Variants in CD1B observed in about 807,000 individuals in gnomAD.
The protein encoded by CD1B is T-cell surface glycoprotein CD1b.
In CD1B, 43 loss-of-function variants were observed where a neutral mutation model predicts 39.8. The observed-to-expected ratio is 1.08, with a 90% confidence interval of 0.85 to 1.39. CD1B has a LOEUF of 1.39. Ranked by LOEUF, CD1B falls within the 40% of genes most tolerant of loss-of-function variation. The pLI is 0.00. For synonymous variants in CD1B, 192 were observed against 152.5 expected (o/e 1.26, Z -1.91); for missense variants, 495 against 403.8 (o/e 1.23, Z -1.94).
chr1:158,328,057 A>C lies in CD1B; in HGVS notation c.*179T>G. Reference sequence around the variant, plus strand: ...CACTGTTAGTACAGTCTCATAATAAATTTACAGTTTTAAGTACTTTTTTGC... The same window carrying C: ...CACTGTTAGTACAGTCTCATAATAACTTTACAGTTTTAAGTACTTTTTTGC... On this transcript the variant is annotated 3_prime_UTR_variant, in exon 6 of 6. Transcript: ENST00000368168. 4 of 576,958 alleles carry C rather than the reference A, an allele frequency of 6.9e-6. No homozygotes were observed. Among genetic ancestry groups the C allele is most frequent in the Middle Eastern group, 3.9e-4 (1 of 2,540 alleles). The allele number at this position is 576,958 out of a possible 1,614,324, so 35.7% of individuals were successfully genotyped here. A position where few individuals can be genotyped will look rare whatever the true frequency, so the allele number is the denominator to read the frequency against.
chr1:158,286,642 A>T, the CD1B span, among the ~76,000 whole-genome samples: 1 of 152,198 alleles, frequency 6.6e-6, no homozygotes, highest in Non-Finnish European at 1.5e-5. Flanking sequence ...GCAGGACTAC[A>T]TATCAGTCAG....
the CD1B span, among the ~76,000 whole-genome samples, chr1:158,299,045 T>C: frequency 6.6e-6 from 1 of 152,162 alleles, no homozygotes; most frequent in Non-Finnish European, 1.5e-5. Context: ...AGACTTCCAA[T>C]ACTATGTTGA....
chr1:158,328,276 C>A lies in CD1B; in HGVS notation c.981-19G>T. On this transcript the variant is annotated intron_variant, in intron 5 of 5. Transcript: ENST00000368168. ...ATATGACCTGTTAAAAACAGAAGAA[C>A]AAAAGAGCTCCACATAAAAGATGTT... is the stretch of plus-strand genomic sequence containing the variant. The A allele has an allele frequency of 1.2e-6, 2 of 1,603,714 alleles. No individual in the cohort carries two copies. The highest frequency in any genetic ancestry group is 1.7e-6 in the Non-Finnish European group (2 of 1,171,406).
the CD1B span, among the ~76,000 whole-genome samples, chr1:158,312,003 T>C: frequency 1.3e-5 from 2 of 152,332 alleles, no homozygotes; most frequent in East Asian, 3.9e-4. Flanking sequence ...AATATTAATT[T>C]AGAATCATCT....
intron 2 of CD1B, 171 bp downstream of exon 2, chr1:158,330,625 T>C (rs1371100505): frequency 1.3e-6 from 1 of 760,874 alleles, no homozygotes; most frequent in African/African-American, 1.7e-5. Flanking sequence ...GAATCTGAAA[T>C]ATGAGGTGTG....
At chr1:158,317,198 CCT>C in the CD1B span, among the ~76,000 whole-genome samples, 1 of 151,568 alleles carries the variant, frequency 6.6e-6, no homozygotes, top group Non-Finnish European at 1.5e-5. Context: ...GGGAGGATTC[CCT>C]CTTTTTCTAT....
the CD1B span, among the ~76,000 whole-genome samples, chr1:158,300,333 G>T: frequency 2.0e-5 from 3 of 152,160 alleles, no homozygotes; most frequent in African/African-American, 7.2e-5. Flanking sequence ...ATTGCACTGT[G>T]GTCCGAGAGA....
chr1:158,316,016 T>C, the CD1B span, among the ~76,000 whole-genome samples: 3 of 152,002 alleles, frequency 2.0e-5, 1 homozygote, highest in Admixed American at 2.0e-4. Context: ...CATTGATCTA[T>C]ATCTCTGTTT....
chr1:158,289,392 G>C, the CD1B span, among the ~76,000 whole-genome samples: 1 of 152,166 alleles, frequency 6.6e-6, no homozygotes, highest in African/African-American at 2.4e-5. Context: ...ATTCTGAATG[G>C]CTGCAATTTA....
At chr1:158,318,609 CTT>C in the CD1B span, among the ~76,000 whole-genome samples, 27 of 152,238 alleles carry the variant, frequency 1.8e-4, no homozygotes, top group African/African-American at 5.8e-4. Flanking sequence ...GGTCTTGACT[CTT>C]TATCCAATTT....
At chr1:158,292,137 C>A in the CD1B span, 2 of 1,613,984 alleles carry the variant, frequency 1.2e-6, no homozygotes, top group Middle Eastern at 1.6e-4. Flanking sequence ...TGGAAAGAGC[C>A]CAGAAGGCTT....
At chr1:158,291,998 T>C in the CD1B span, 152 of 1,373,102 alleles carry the variant, frequency 1.1e-4, no homozygotes, top group Non-Finnish European at 1.4e-4. Context: ...CTTTCTTGCT[T>C]CACTTCCTGA....
At chr1:158,324,207 T>C (rs2101705676), downstream of CD1B, among the ~76,000 whole-genome samples, 1 of 152,284 alleles carries the variant, frequency 6.6e-6, no homozygotes, top group Non-Finnish European at 1.5e-5. Context: ...GCCAAGCCTT[T>C]TGTTAACAAG....
chr1:158,319,850 T>C, the CD1B span, among the ~76,000 whole-genome samples: 3 of 152,228 alleles, frequency 2.0e-5, no homozygotes, highest in African/African-American at 7.2e-5. Flanking sequence ...GATGTGGATG[T>C]CCTTTCTGTT....
chr1:158,330,193 GA>G, intron 2 of CD1B, 63 bp from the exon 3 acceptor site: 1 of 1,466,326 alleles, frequency 6.8e-7, no homozygotes, highest in Non-Finnish European at 9.2e-7. Flanking sequence ...CATGAGAAAA[GA>G]ACCTAGGATT....
chr1:158,327,041 C>A (rs1652378590), downstream of CD1B, among the ~76,000 whole-genome samples: 2 of 152,308 alleles, frequency 1.3e-5, no homozygotes, highest in African/African-American at 2.4e-5. Context: ...AGGTGATCCA[C>A]CTGCCTCGGC....
chr1:158,289,585 GAA>G, the CD1B span, among the ~76,000 whole-genome samples: 1 of 152,310 alleles, frequency 6.6e-6, no homozygotes. Flanking sequence ...AAGGGGGAAA[GAA>G]AGAATGGAGT....
chr1:158,299,759 C>A, the CD1B span, among the ~76,000 whole-genome samples: 3 of 152,138 alleles, frequency 2.0e-5, no homozygotes, highest in African/African-American at 7.2e-5. Context: ...TCTAGATTTT[C>A]TAGTTTATTT....
At position 158,328,221 on chromosome 1, in the gene CD1B, A is replaced by G; in HGVS notation, c.*15T>C. ...TGGTACTTATTGCGAATGGGAGAGG[A>G]GACATGATGATGGCTCATGGGATAT... On this transcript the variant is annotated 3_prime_UTR_variant, in exon 6 of 6. Transcript: ENST00000368168. 1 of 1,607,118 alleles carries G rather than the reference A, an allele frequency of 6.2e-7. No homozygotes were observed. Among genetic ancestry groups the G allele is most frequent in the Non-Finnish European group, 8.5e-7 (1 of 1,174,056 alleles).
Sources: allele counts gnomAD v4.1 joint callset (sites outside exome capture counted in the v4.1 genomes callset), GRCh38; gene constraint gnomAD v4.1.1; transcripts MANE v1.5; gene names NCBI Gene and HGNC (gene_info 2026-07-23, HGNC 2026-07-21).